NCMAP: variants seen among roughly 807,000 people sequenced by gnomAD.
NCMAP encodes noncompact myelin-associated protein.
Under a neutral mutation model 7.8 loss-of-function variants are expected in NCMAP, and 8 were observed. The observed-to-expected ratio is 1.02, with a 90% confidence interval of 0.60 to 1.84. The LOEUF (loss-of-function observed/expected upper bound fraction) is 1.84, where lower values mean the gene tolerates loss of function less well. Ranked by LOEUF, NCMAP falls within the 40% of genes most tolerant of loss-of-function variation. NCMAP has a pLI of 0.00. For synonymous variants in NCMAP, 41 were observed against 52.9 expected, an observed-to-expected ratio of 0.78 and a Z score of 0.98; for missense variants, 112 against 131.4, an observed-to-expected ratio of 0.85 and a Z score of 0.72.
At chr1:24,587,170 G>A (rs1041287317) in intron 1 of NCMAP, among the ~76,000 whole-genome samples, 3 of 152,194 alleles carry the variant, frequency 2.0e-5, no homozygotes, top group Admixed American at 6.5e-5. Flanking sequence ...GGAGTCATGT[G>A]TCCAGTTTTG....
At chr1:24,605,577 T>C in intron 3 of NCMAP, 29 bp from the exon 4 acceptor site, 1 of 1,610,188 alleles carries the variant, frequency 6.2e-7, no homozygotes, top group East Asian at 2.2e-5. Flanking sequence ...GGGGAAAGAC[T>C]CAACCATGTG....
At chr1:24,590,358 G>T (rs1480560424) in intron 1 of NCMAP, among the ~76,000 whole-genome samples, 1 of 152,106 alleles carries the variant, frequency 6.6e-6, no homozygotes, top group Non-Finnish European at 1.5e-5. Context: ...ACCTTGATCC[G>T]CAGCCACCTA....
At chr1:24,564,171 C>T (rs1278248482) in intron 1 of NCMAP, among the ~76,000 whole-genome samples, 1 of 151,834 alleles carries the variant, frequency 6.6e-6, no homozygotes, top group Non-Finnish European at 1.5e-5. Context: ...GAGAATTATC[C>T]CCAAAAGCAA....
chr1:24,579,952 G>A (rs748238347), intron 1 of NCMAP, among the ~76,000 whole-genome samples: 2 of 152,176 alleles, frequency 1.3e-5, no homozygotes, highest in Non-Finnish European at 2.9e-5. Flanking sequence ...TTAGCCTTTG[G>A]CAGAGCTGAG....
At chr1:24,568,619 C>T (rs114522302) in intron 1 of NCMAP, among the ~76,000 whole-genome samples, 4,107 of 152,192 alleles carry the variant, frequency 0.027, 212 homozygotes, top group African/African-American at 0.095. Flanking sequence ...GAAGAGGGTC[C>T]TGTTATTACC....
Position 24,567,950 on chromosome 1 carries a change from C to T in NCMAP, c.-8+11781C>T, listed in dbSNP as rs544372498. ...GGGTAGGAGAGTGGGCTTGATTCTA[C>T]CCATAGAGAGAATCGACCGAGGGTT... is the stretch of plus-strand genomic sequence containing the variant. On this transcript the variant is annotated intron_variant, in intron 1 of 3. Transcript: ENST00000374392. 2.6e-5 allele frequency among the ~76,000 whole-genome samples: 4 copies of T among 152,104 alleles called. No homozygotes were observed. In the South Asian group the frequency reaches 6.2e-4, roughly 24 times the overall value.
intron 1 of NCMAP, among the ~76,000 whole-genome samples, chr1:24,592,742 C>A (rs1021763083): frequency 6.6e-6 from 1 of 151,860 alleles, no homozygotes; most frequent in Non-Finnish European, 1.5e-5. Flanking sequence ...CACAGTGAAA[C>A]CCCGTCTCTA....
Position 24,577,405 on chromosome 1 carries a change from T to TTTTTTG in NCMAP, c.-7-18014_-7-18013insGTTTTT, listed in dbSNP as rs1326302111. Among the ~76,000 whole-genome samples the TTTTTTG allele has an allele frequency of 8.8e-4, 101 of 114,392 alleles. 5 individuals carry two copies. The highest frequency in any genetic ancestry group is 3.8e-3 in the Middle Eastern group (1 of 266). 75.0% of individuals were successfully genotyped at this position (114,392 alleles called of 152,430 possible). On this transcript the variant is annotated intron_variant, in intron 1 of 3. Transcript: ENST00000374392. ...TTCTAAGAAGGCACTGGCCTTGTTTTTTTTTTTTTTTTTTTTTTTTTTTTT... is the reference window on the plus strand; with the variant it reads ...TTCTAAGAAGGCACTGGCCTTGTTTTTTTTTGTTTTTTTTTTTTTTTTTTTTTTTTT...
intron 1 of NCMAP, among the ~76,000 whole-genome samples, chr1:24,571,828 C>T (rs576682009): frequency 5.3e-5 from 8 of 150,814 alleles, no homozygotes; most frequent in East Asian, 1.9e-4. Context: ...TCAAGTGATC[C>T]GCCTGCCTCG....
At chr1:24,561,463 AT>A (rs1189364243) in intron 1 of NCMAP, among the ~76,000 whole-genome samples, 5 of 152,182 alleles carry the variant, frequency 3.3e-5, no homozygotes, top group African/African-American at 1.2e-4. Context: ...AAATAAAAAC[AT>A]TTTTTGTGGG....
chr1:24,588,853 G>A lies in NCMAP; in HGVS notation c.-7-6571G>A, dbSNP rs889273947. Among the ~76,000 whole-genome samples, 11 of 152,280 alleles carry A rather than the reference G, an allele frequency of 7.2e-5. No homozygotes were observed. In the East Asian group the frequency reaches 9.7e-4, roughly 13 times the overall value. On this transcript the variant is annotated intron_variant, in intron 1 of 3. Transcript: ENST00000374392. Reference sequence around the variant, plus strand: ...TCATAGGCCTGGGGCAAGGGCCCTCGTCTGTCTGCTGAACCCTGGCCTGTG... The same window carrying A: ...TCATAGGCCTGGGGCAAGGGCCCTCATCTGTCTGCTGAACCCTGGCCTGTG...
intron 1 of NCMAP, among the ~76,000 whole-genome samples, chr1:24,567,013 T>G (rs1373220196): frequency 6.6e-6 from 1 of 152,164 alleles, no homozygotes; most frequent in Admixed American, 6.5e-5. Context: ...AGGCTGTGAC[T>G]TGTCCCTTGA....
chr1:24,604,267 T>G (rs115894469), intron 3 of NCMAP, among the ~76,000 whole-genome samples: 1 of 152,016 alleles, frequency 6.6e-6, no homozygotes, highest in African/African-American at 2.4e-5. Context: ...CCCTGAAGAT[T>G]TGACATTTTT....
chr1:24,571,579 T>TTA (rs1651389870), intron 1 of NCMAP, among the ~76,000 whole-genome samples: 1 of 150,606 alleles, frequency 6.6e-6, no homozygotes. Flanking sequence ...GAAAAAAACT[T>TTA]CATATATATA....
chr1:24,578,245 CAA>C (rs35145959), intron 1 of NCMAP, among the ~76,000 whole-genome samples: 25 of 116,286 alleles, frequency 2.1e-4, no homozygotes, highest in African/African-American at 2.8e-4. Flanking sequence ...GACACTGTCT[CAA>C]AAAAAAAAAA....
At chr1:24,561,897 C>T (rs1171330675) in intron 1 of NCMAP, among the ~76,000 whole-genome samples, 7 of 129,766 alleles carry the variant, frequency 5.4e-5, no homozygotes, top group South Asian at 2.6e-4. Flanking sequence ...GGGACAAGAG[C>T]GAGACTTCGT....
chr1:24,578,291 C>A (rs1452504999), intron 1 of NCMAP, among the ~76,000 whole-genome samples: 5 of 150,652 alleles, frequency 3.3e-5, no homozygotes, highest in Non-Finnish European at 7.4e-5. Flanking sequence ...TACCAATGAA[C>A]CTTCCTCTGT....
At chr1:24,593,533 G>A (rs1171375768) in intron 1 of NCMAP, among the ~76,000 whole-genome samples, 2 of 152,056 alleles carry the variant, frequency 1.3e-5, no homozygotes, top group African/African-American at 2.4e-5. Context: ...AAACATGACT[G>A]TAAACATTTG....
At chr1:24,573,981 G>T (rs536232932) in intron 1 of NCMAP, among the ~76,000 whole-genome samples, 2 of 108,420 alleles carry the variant, frequency 1.8e-5, no homozygotes, top group Admixed American at 8.4e-5. Context: ...ACAGAAAAAA[G>T]GGGGAATATG....
Sources: gnomAD v4.1 joint callset for allele counts (sites outside exome capture counted in the v4.1 genomes callset) on GRCh38, gnomAD v4.1.1 for gene constraint, MANE v1.5 for transcripts, NCBI Gene and HGNC (gene_info 2026-07-23, HGNC 2026-07-21) for gene names.